The following TTN variants were observed in gnomAD, a reference collection of about 807,000 sequenced individuals.
The protein encoded by TTN is titin.
Under a neutral mutation model 3,223.0 loss-of-function variants are expected in TTN, and 1,525 were observed. That is an observed-to-expected ratio of 0.47 (90% CI 0.45 to 0.49). TTN has a LOEUF of 0.49. Ranked by LOEUF, TTN falls within the 20% of genes least tolerant of loss-of-function variation. The pLI, the probability that TTN is intolerant of heterozygous loss-of-function variation, is 0.00. For missense variants in TTN, 40,786 were observed against 43,424.0 expected (o/e 0.94, Z 5.40); for synonymous variants, 14,094 against 15,161.0 (o/e 0.93, Z 5.17).
chr2:178,542,497 G>A lies in TTN; in HGVS notation c.97259C>T (p.Ser32420Phe), dbSNP rs1393812138. The change falls in exon 349 of 363, where the codon TCC becomes TTC. Residue 32420 changes from serine (S) to phenylalanine (F), a missense_variant. By Grantham distance (155) the Ser-to-Phe change is radical (BLOSUM62 -2). Transcript: ENST00000589042. ...ACCGTCCAATTCAGGTGGTTCCCAG[G>A]AAATGGTAATTGATGTAGCATCAAT... ...DEIDATSITI[S>F]WEPPELDGGA... The A allele has an allele frequency of 6.2e-7, 1 of 1,612,776 alleles. No individual in the cohort carries two copies. The highest frequency in any genetic ancestry group is 8.5e-7 in the Non-Finnish European group (1 of 1,178,940).
intron 47 of TTN, chr2:178,747,059 A>C: frequency 6.2e-7 from 1 of 1,612,782 alleles, no homozygotes; most frequent in Non-Finnish European, 8.5e-7. Flanking sequence ...ATATCTCTCT[A>C]GTGCCTCCCC....
chr2:178,692,075 A>C lies in TTN; in HGVS notation c.31703T>G (p.Val10568Gly), dbSNP rs758167447. Residue 10568 changes from valine to glycine, a missense_variant, in exon 121 of 363, where the codon GTG becomes GGG. Coordinates refer to ENST00000589042, the MANE Select transcript of TTN (RefSeq NM_001267550.2). ...AGGAACTGGCTTTTTCTCCTCTGGC[A>C]CGGGTTTCTTGGGAACCTCAGGAAC... ...PKVPEVPKKP[V>G]PEEKKPVPVP... 31 of 1,613,142 alleles carry C rather than the reference A, an allele frequency of 1.9e-5. No homozygotes were observed. The highest frequency in any genetic ancestry group is 2.5e-5 in the Non-Finnish European group (30 of 1,179,410).
intron 113 of TTN, 75 bp downstream of exon 113, chr2:178,697,046 A>T (rs2073868435): frequency 7.6e-7 from 1 of 1,311,948 alleles, no homozygotes; most frequent in Admixed American, 2.1e-5. Context: ...GAAGCCTAAT[A>T]TTTAAAATAA....
At position 178,756,534 on chromosome 2, in the gene TTN, A is replaced by C; in HGVS notation, c.10942T>G (p.Ser3648Ala). The C allele has an allele frequency of 6.2e-7, 1 of 1,612,954 alleles. No homozygotes were observed. The highest frequency in any genetic ancestry group is 8.5e-7 in the Non-Finnish European group (1 of 1,179,208). Residue 3648 changes from serine to alanine, a missense_variant, in exon 46 of 363, where the codon TCT becomes GCT. Physicochemically the swap from Ser to Ala is moderately conservative, Grantham distance 99 (BLOSUM62 1). Transcript: ENST00000589042. ...LSQIAESTEL[S>A]KECAKESTGE... The stretch of plus-strand genomic sequence containing the variant: ...GTGGACTCTTTAGCACATTCCTTAG[A>C]TAGCTCAGTGCTTTCTGCAATTTGT...
rs786205392 is a variant in TTN, at chr2:178,624,462, T to TA, written c.44815+2dup. 1.2e-6 allele frequency: 2 copies of TA among 1,612,110 alleles called. No individual in the cohort carries two copies. Among genetic ancestry groups the TA allele is most frequent in the South Asian group, 1.1e-5 (1 of 90,950 alleles). On this transcript the variant is annotated splice_region_variant and intron_variant, in intron 242 of 362. Coordinates refer to ENST00000589042, the MANE Select transcript of TTN (RefSeq NM_001267550.2). The stretch of plus-strand genomic sequence containing the variant: ...AAAAGTCCTTTGTAAGAAGAATACT[T>TA]ACGCACGACATTCAGGTTACAGGAA...
At chr2:178,717,477 G>A (rs192313412) in intron 87 of TTN, 46 bp downstream of exon 87, 1 of 1,563,408 alleles carries the variant, frequency 6.4e-7, no homozygotes, top group East Asian at 2.3e-5. Flanking sequence ...GTGGCCTGGA[G>A]CAGTGAAGCT....
chr2:178,663,589 A>T, intron 171 of TTN, 38 bp downstream of exon 171: 1 of 1,613,656 alleles, frequency 6.2e-7, no homozygotes, highest in Non-Finnish European at 8.5e-7. Context: ...AGAGCAGAAG[A>T]GATACATCAT....
At chr2:178,579,506 A>C (rs1022643526) in intron 319 of TTN, 55 bp downstream of exon 319, 1 of 1,598,312 alleles carries the variant, frequency 6.3e-7, no homozygotes, top group Middle Eastern at 1.7e-4. Context: ...GGGACACAAG[A>C]GTGCACTTTC....
rs267607157 is a variant in TTN at position 178,785,990 on chromosome 2, G to A, written c.2228C>T (p.Ala743Val). Residue 743 changes from alanine to valine, a missense_variant, in exon 14 of 363, where the codon GCC (alanine) becomes GTC (valine). Physicochemically the swap from Ala to Val is moderately conservative, Grantham distance 64 (BLOSUM62 0). Transcript: ENST00000589042. ...TTGGGGAGGCTCAGCTACCTTTGCGGCGGAAATGCGTTCCTTATATCCGTA... is the reference window on the plus strand; with the variant it reads ...TTGGGGAGGCTCAGCTACCTTTGCGACGGAAATGCGTTCCTTATATCCGTA... ...LEYGYKERIS[A>V]AKVAEPPQRP... The A allele has an allele frequency of 7.4e-6, 12 of 1,613,954 alleles. No homozygotes were observed. The East Asian group carries it at 2.7e-4, about 36-fold the overall frequency.
intron 43 of TTN, among the ~76,000 whole-genome samples, chr2:178,762,035 T>A (rs1386228720): frequency 6.6e-6 from 1 of 152,190 alleles, no homozygotes; most frequent in Non-Finnish European, 1.5e-5. Flanking sequence ...AAACAGCACC[T>A]GGTTGCTCAG....
chr2:178,528,367 G>A lies in TTN; in HGVS notation c.107284C>T (p.Arg35762Ter), dbSNP rs1477669354. The change falls in exon 361 of 363, where the codon CGA becomes TGA. Residue 35762 changes from arginine to a stop codon, truncating the protein, a stop_gained. Transcript: ENST00000589042. LOFTEE classifies it high-confidence loss of function. The part of the protein sequence containing the change: ...RSRNVYSLEI[R>*]NASVSDSGKY... Reference sequence around the variant, plus strand: ...CCACTGTCGCTGACTGATGCATTTCGGATTTCAAGGGAGTATACATTTCTG... The same window carrying A: ...CCACTGTCGCTGACTGATGCATTTCAGATTTCAAGGGAGTATACATTTCTG... 6 of 1,613,768 alleles carry A rather than the reference G, an allele frequency of 3.7e-6. No homozygotes were observed. Among genetic ancestry groups the A allele is most frequent in the East Asian group, 2.2e-5 (1 of 44,900 alleles).
chr2:178,724,916 A>G (rs2079078078), intron 71 of TTN: 1 of 193,036 alleles, frequency 5.2e-6, no homozygotes, highest in Non-Finnish European at 1.0e-5. Flanking sequence ...GGTTATTGTG[A>G]ATTACTTGGT....
Position 178,533,773 on chromosome 2 carries a change from A to G in TTN, c.102842T>C (p.Ile34281Thr), listed in dbSNP as rs779369864. Reference sequence around the variant, plus strand: ...TACATGAGGCTCTGGGTGGACAGTTATAGTTACTCCAAACCGGACATTTTC... The same window carrying G: ...TACATGAGGCTCTGGGTGGACAGTTGTAGTTACTCCAAACCGGACATTTTC... ...VGENVRFGVT[I>T]TVHPEPHVTW... The change falls in exon 358 of 363, where the codon ATA becomes ACA. Residue 34281 changes from isoleucine (I) to threonine (T), a missense_variant. Physicochemically the swap from Ile to Thr is moderately conservative, Grantham distance 89. Coordinates refer to ENST00000589042, the MANE Select transcript of TTN (RefSeq NM_001267550.2). 1.1e-5 allele frequency: 17 copies of G among 1,613,874 alleles called. No homozygotes were observed. Among genetic ancestry groups the G allele is most frequent in the Non-Finnish European group, 1.4e-5 (17 of 1,179,882 alleles).
chr2:178,614,678 G>A lies in TTN; in HGVS notation c.48836C>T (p.Pro16279Leu). 1 of 1,612,284 alleles carries A rather than the reference G, an allele frequency of 6.2e-7. No individual in the cohort carries two copies. Among genetic ancestry groups the A allele is most frequent in the Non-Finnish European group, 8.5e-7 (1 of 1,179,066 alleles). Residue 16279 changes from proline (P) to leucine (L), a missense_variant, in exon 261 of 363, where the codon CCT (proline) becomes CTT (leucine). Coordinates refer to ENST00000589042, the MANE Select transcript of TTN (RefSeq NM_001267550.2). ...TVKAGTKIEL[P>L]ATVTGKPEPK... The stretch of plus-strand genomic sequence containing the variant: ...TTCAGGTTTTCCGGTTACGGTGGCA[G>A]GAAGTTCAATCTTGGTCCCAGCTTT...
At position 178,528,396 on chromosome 2, in the gene TTN, C is replaced by A; in HGVS notation, c.107255G>T (p.Arg35752Leu). Residue 35752 changes from arginine (R) to leucine (L), a missense_variant, in exon 361 of 363, where the codon CGC becomes CTC. Arg to Leu is a moderately radical substitution (Grantham distance 102). Transcript: ENST00000589042. Reference protein sequence around the residue: ...ISISSNVSISRSRNVYSLEIR... With the variant: ...ISISSNVSISLSRNVYSLEIR... ...TTCAAGGGAGTATACATTTCTGGAG[C>A]GGCTTATGCTGACATTTGAAGAAAT... 1.2e-6 allele frequency: 2 copies of A among 1,613,632 alleles called. No individual in the cohort carries two copies. Among genetic ancestry groups the A allele is most frequent in the African/African-American group, 1.3e-5 (1 of 75,006 alleles).
chr2:178,653,121 G>T lies in TTN; in HGVS notation c.38795C>A (p.Pro12932Gln). The T allele has an allele frequency of 6.2e-7, 1 of 1,612,656 alleles. No homozygotes were observed. Among genetic ancestry groups the T allele is most frequent in the South Asian group, 1.1e-5 (1 of 90,914 alleles). ...KKPEVPPVKV[P>Q]EAPKEVVPEK... Reference sequence around the variant, plus strand: ...AGGAACAACTTCTTTGGGAGCCTCTGGCACTTAAAAGATATTAGGTAAAAT... The same window carrying T: ...AGGAACAACTTCTTTGGGAGCCTCTTGCACTTAAAAGATATTAGGTAAAAT... The change falls in exon 199 of 363, where the codon CCA becomes CAA. Residue 12932 changes from proline (P) to glutamine (Q), a missense_variant. Physicochemically the swap from Pro to Gln is moderately conservative, Grantham distance 76. Transcript: ENST00000589042.
Position 178,582,039 on chromosome 2 carries a change from A to G in TTN, c.66330T>C (p.Ile22110=). Residue 22110 remains isoleucine (I), a synonymous_variant, in exon 315 of 363, where the codon ATT becomes ATC. Coordinates refer to ENST00000589042, the MANE Select transcript of TTN (RefSeq NM_001267550.2). ...VNWTKVNRKP[I]IERTLKATGL... ...CTGTTGCTTTTAATGTTCTTTCTAT[A>G]ATAGGTTTTCTGTTGACCTTAGTCC... 6.2e-7 allele frequency: 1 copy of G among 1,613,220 alleles called. No homozygotes were observed. The highest frequency in any genetic ancestry group is 1.1e-5 in the South Asian group (1 of 91,056).
At chr2:178,549,949 C>G (rs752169366) in intron 337 of TTN, 37 bp downstream of exon 337, 1 of 1,568,600 alleles carries the variant, frequency 6.4e-7, no homozygotes, top group African/African-American at 1.4e-5. Flanking sequence ...AATCCAAGTT[C>G]ATAAATTGTA....
rs753253065 is a variant in TTN, at chr2:178,688,769, G to C, written c.32105C>G (p.Ser10702Cys). 46 of 1,606,398 alleles carry C rather than the reference G, an allele frequency of 2.9e-5. No homozygotes were observed. Among genetic ancestry groups the C allele is most frequent in the Non-Finnish European group, 3.8e-5 (45 of 1,173,296 alleles). ...CTTTTCTTCTACAACAGTTTTCTTA[G>C]AGACTTCAGCTTTAAGAAAGTGTTA... is the stretch of plus-strand genomic sequence containing the variant. The part of the protein sequence containing the change: ...KKAPPPRAEV[S>C]KKTVVEEKRF... The change falls in exon 126 of 363, where the codon TCT becomes TGT. Residue 10702 changes from serine to cysteine, a missense_variant. By Grantham distance (112) the Ser-to-Cys change is moderately radical (BLOSUM62 -1). Coordinates refer to ENST00000589042, the MANE Select transcript of TTN (RefSeq NM_001267550.2).
Sources: allele counts gnomAD v4.1 joint callset (sites outside exome capture counted in the v4.1 genomes callset), GRCh38; gene constraint gnomAD v4.1.1; transcripts MANE v1.5; gene names NCBI Gene and HGNC (gene_info 2026-07-23, HGNC 2026-07-21).